Variants in SYNE2 observed in about 807,000 individuals in gnomAD.
SYNE2 encodes the protein spectrin repeat containing nuclear envelope protein 2.
SYNE2 carries 431 observed loss-of-function variants against 856.3 expected under a neutral mutation model. The ratio of observed to expected loss-of-function variants is 0.50; its 90% CI spans 0.47 to 0.55. SYNE2 has a LOEUF of 0.55. Among genes scored for constraint, SYNE2 ranks in the 20% least tolerant of loss-of-function variants. The pLI is 0.00. For synonymous variants in SYNE2, 2,923 were observed against 2,872.3 expected (o/e 1.02, Z -0.56); for missense variants, 8,129 against 8,023.2 (o/e 1.01, Z -0.50).
At chr14:64,180,719 G>T (rs936421738) in intron 96 of SYNE2, among the ~76,000 whole-genome samples, 3 of 152,092 alleles carry the variant, frequency 2.0e-5, no homozygotes, top group African/African-American at 7.2e-5. Flanking sequence ...GGCCAGGCTG[G>T]TCTCTAACTC....
Position 63,961,507 on chromosome 14 carries a change from G to A in SYNE2, c.788-18G>A, listed in dbSNP as rs1163787694. On this transcript the variant is annotated intron_variant, in intron 8 of 115. Transcript: ENST00000555002. The stretch of plus-strand genomic sequence containing the variant: ...GTAAATGTGTAACAGCTAATTGATA[G>A]TGTGGTGTATCTTGCAGATGTGGAT... The A allele has an allele frequency of 5.7e-6, 9 of 1,586,708 alleles. No homozygotes were observed. The highest frequency in any genetic ancestry group is 7.8e-6 in the Non-Finnish European group (9 of 1,155,760).
chr14:63,775,504 G>A (rs1887075832), intron 1 of SYNE2, among the ~76,000 whole-genome samples: 1 of 151,730 alleles, frequency 6.6e-6, no homozygotes, highest in African/African-American at 2.4e-5. Context: ...TTGAGCTCCT[G>A]ACTTCAGGTG....
intron 1 of SYNE2, among the ~76,000 whole-genome samples, chr14:63,817,954 G>A (rs1459245955): frequency 6.7e-6 from 1 of 148,956 alleles, no homozygotes; most frequent in East Asian, 2.0e-4. Flanking sequence ...GAGCCTAGAA[G>A]GCCGAGGCTA....
chr14:63,845,685 A>T (rs1382985731), intron 1 of SYNE2, among the ~76,000 whole-genome samples: 1 of 149,186 alleles, frequency 6.7e-6, no homozygotes, highest in East Asian at 1.9e-4. Flanking sequence ...ACCTTGAACT[A>T]TTAAGGGGTA....
chr14:63,876,721 T>G (rs909492629), intron 1 of SYNE2, among the ~76,000 whole-genome samples: 1 of 152,038 alleles, frequency 6.6e-6, no homozygotes, highest in Non-Finnish European at 1.5e-5. Context: ...CTCCTGACCT[T>G]GTGATCCGCC....
chr14:64,127,278 G>A (rs1567383441), intron 73 of SYNE2, among the ~76,000 whole-genome samples: 1 of 151,440 alleles, frequency 6.6e-6, no homozygotes, highest in Non-Finnish European at 1.5e-5. Context: ...AAAAGGTGAA[G>A]CCCTTTAAAG....
Position 64,215,266 on chromosome 14 carries a change from A to G in SYNE2, c.19334-20A>G. On this transcript the variant is annotated intron_variant, in intron 106 of 115. Coordinates refer to ENST00000555002, the MANE Select transcript of SYNE2 (RefSeq NM_182914.3). ...TCTTCAGGCACCTCCAGTGAGGCAA[A>G]TGACATTGTTCTTTTTCAGATGTAG... The G allele has an allele frequency of 6.2e-7, 1 of 1,613,412 alleles. No individual in the cohort carries two copies.
In SYNE2 at chr14:63,977,901, T is replaced by G. The variant is rs772164853; in HGVS notation, c.1294-4T>G. ...CGTTTATGTCATGCTGAATTTCTTT[T>G]CAGAGCCTGATGGATAGATTTGAGC... On this transcript the variant is annotated splice_region_variant and splice_polypyrimidine_tract_variant and intron_variant, in intron 12 of 115. Transcript: ENST00000555002. 1.2e-6 allele frequency: 2 copies of G among 1,604,364 alleles called. No individual in the cohort carries two copies. The highest frequency in any genetic ancestry group is 4.5e-5 in the East Asian group (2 of 44,802).
chr14:63,778,760 C>G (rs952381195), intron 1 of SYNE2, among the ~76,000 whole-genome samples: 3 of 151,932 alleles, frequency 2.0e-5, no homozygotes, highest in Admixed American at 6.6e-5. Flanking sequence ...AGTAATCCAC[C>G]CACACTGGCC....
chr14:63,994,072 A>G, intron 22 of SYNE2, 103 bp downstream of exon 22: 1 of 1,196,162 alleles, frequency 8.4e-7, no homozygotes. Context: ...ACGTTGTATC[A>G]CCAGTGGGCT....
chr14:63,849,651 T>C (rs890983779), upstream of SYNE2, among the ~76,000 whole-genome samples: 3 of 152,212 alleles, frequency 2.0e-5, no homozygotes, highest in Non-Finnish European at 4.4e-5. Flanking sequence ...GCACTCAGGA[T>C]GCAAGTATAA....
chr14:64,199,693 A>G (rs2098553364), intron 99 of SYNE2, among the ~76,000 whole-genome samples: 1 of 135,460 alleles, frequency 7.4e-6, no homozygotes, highest in Non-Finnish European at 1.5e-5. Flanking sequence ...ACTCCAGCGT[A>G]GGCGATAGAG....
At chr14:64,056,476 T>C (rs759293063) in intron 49 of SYNE2, among the ~76,000 whole-genome samples, 6 of 151,916 alleles carry the variant, frequency 3.9e-5, no homozygotes, top group Non-Finnish European at 7.4e-5. Flanking sequence ...ATTTCTTCTT[T>C]TTTTTTTTTC....
At position 63,982,356 on chromosome 14, in the gene SYNE2, A is replaced by G. The variant is rs115131438; in HGVS notation, c.1837-274A>G. 9.6e-3 allele frequency among the ~76,000 whole-genome samples: 1,458 copies of G among 152,242 alleles called. 26 individuals are homozygous for G. The highest frequency in any genetic ancestry group is 0.033 in the African/African-American group (1,375 of 41,534). ...AGACAGCTGGCATTTGCCAGTTAGC[A>G]CTTAAGAGGGAAGAGCTAGACCAAC... On this transcript the variant is annotated intron_variant, in intron 16 of 115. Transcript: ENST00000555002.
intron 1 of SYNE2, among the ~76,000 whole-genome samples, chr14:63,885,683 C>A (rs1369157883): frequency 6.6e-6 from 1 of 152,160 alleles, no homozygotes; most frequent in Non-Finnish European, 1.5e-5. Context: ...CTCACTGCAG[C>A]CTCAAACTCC....
Position 64,051,692 on chromosome 14 carries a change from G to A in SYNE2, c.7779G>A (p.Lys2593=). ...CAAACCACGTGACTGACATGGATAA[G>A]AAATTGTTGGAAAGCCAGATTAAGC... ...NLSNHVTDMD[K]KLLESQIKQL... is the part of the protein sequence containing the mutation. Residue 2593 remains lysine (K), a synonymous_variant, in exon 48 of 116, where the codon AAG becomes AAA. Transcript: ENST00000555002. The A allele has an allele frequency of 6.2e-7, 1 of 1,614,220 alleles. No individual in the cohort carries two copies. Among genetic ancestry groups the A allele is most frequent in the Non-Finnish European group, 8.5e-7 (1 of 1,180,036 alleles).
chr14:64,196,282 A>AT (rs569506981), intron 99 of SYNE2, among the ~76,000 whole-genome samples: 1 of 152,312 alleles, frequency 6.6e-6, no homozygotes, highest in African/African-American at 2.4e-5. Context: ...AAGGCTGGGA[A>AT]TGAGTCTAAG....
intron 113 of SYNE2, 37 bp downstream of exon 113, chr14:64,223,417 C>T (rs777099922): frequency 1.3e-5 from 21 of 1,607,314 alleles, no homozygotes; most frequent in Admixed American, 3.3e-5. Flanking sequence ...TAAAGATTGC[C>T]GTATTACATG....
rs931940476 is a variant in SYNE2, at chr14:63,892,741, T to G, written c.-51-16357T>G. Among the ~76,000 whole-genome samples, 171 of 151,386 alleles carry G rather than the reference T, an allele frequency of 1.1e-3. 1 individual carries two copies. Among genetic ancestry groups the G allele is most frequent in the Non-Finnish European group, 2.1e-3 (140 of 67,698 alleles). ...CTTGGTGTACTTTCTTTTTTTTTTT[T>G]TTTTTGTTGTAGAGACAGGGGTCTC... On this transcript the variant is annotated intron_variant, in intron 1 of 115. Coordinates refer to ENST00000555002, the MANE Select transcript of SYNE2 (RefSeq NM_182914.3).
Sources: gnomAD v4.1 joint callset for allele counts (sites outside exome capture counted in the v4.1 genomes callset) on GRCh38, gnomAD v4.1.1 for gene constraint, MANE v1.5 for transcripts, NCBI Gene and HGNC (gene_info 2026-07-23, HGNC 2026-07-21) for gene names.